The following PCDHA3 variants were observed in gnomAD, a reference collection of about 807,000 sequenced individuals.
The protein encoded by PCDHA3 is protocadherin alpha-3.
In PCDHA3, 41 loss-of-function variants were observed where a neutral mutation model predicts 62.2. The observed-to-expected ratio is 0.66, with a 90% CI of 0.51 to 0.86. The LOEUF (loss-of-function observed/expected upper bound fraction) is 0.86, where lower values mean the gene tolerates loss of function less well. Ranked by LOEUF, PCDHA3 falls within the 40% of genes least tolerant of loss-of-function variation. The pLI is 0.00. For missense variants in PCDHA3, 1,304 were observed against 1,241.2 expected (o/e 1.05, Z -0.76); for synonymous variants, 640 against 555.4 (o/e 1.15, Z -2.14).
chr5:140,833,280 G>A (rs181122201), intron 1 of PCDHA3, among the ~76,000 whole-genome samples: 14 of 152,214 alleles, frequency 9.2e-5, no homozygotes, highest in African/African-American at 3.4e-4. Flanking sequence ...AACTTATTTA[G>A]GAAAGCATCT....
intron 1 of PCDHA3, among the ~76,000 whole-genome samples, chr5:140,913,960 TA>T (rs201352444): frequency 2.0e-5 from 3 of 152,168 alleles, no homozygotes; most frequent in Non-Finnish European, 2.9e-5. Context: ...ATATCATTTT[TA>T]AAAAAATATT....
At chr5:140,995,235 A>G (rs1313042272) in intron 3 of PCDHA3, among the ~76,000 whole-genome samples, 1 of 152,188 alleles carries the variant, frequency 6.6e-6, no homozygotes, top group Non-Finnish European at 1.5e-5. Flanking sequence ...TGGGGCCAGT[A>G]TTAAGTAAAA....
chr5:140,835,638 T>C, intron 1 of PCDHA3: 1 of 1,613,926 alleles, frequency 6.2e-7, no homozygotes, highest in Non-Finnish European at 8.5e-7. Context: ...CGAGAGTGTG[T>C]CCGCCTATGA....
chr5:140,943,923 C>A (rs1454812803), intron 1 of PCDHA3, among the ~76,000 whole-genome samples: 1 of 152,162 alleles, frequency 6.6e-6, no homozygotes, highest in Non-Finnish European at 1.5e-5. Flanking sequence ...GCATGAGCAG[C>A]TTTAGAAGTG....
intron 1 of PCDHA3, chr5:140,871,468 G>C (rs781821721): frequency 6.2e-7 from 1 of 1,602,172 alleles, no homozygotes; most frequent in East Asian, 2.2e-5. Context: ...GGAAAGACAG[G>C]AGCCAGGGTC....
At chr5:140,924,550 C>T (rs2081897316) in intron 1 of PCDHA3, among the ~76,000 whole-genome samples, 1 of 152,096 alleles carries the variant, frequency 6.6e-6, no homozygotes, top group Non-Finnish European at 1.5e-5. Context: ...CTCTCCCCAC[C>T]ATTTTAATCA....
intron 1 of PCDHA3, chr5:140,822,476 C>G (rs2150116671): frequency 6.2e-7 from 1 of 1,613,670 alleles, no homozygotes; most frequent in Non-Finnish European, 8.5e-7. Context: ...GTATTGGATG[C>G]TAATGATAAC....
intron 3 of PCDHA3, among the ~76,000 whole-genome samples, chr5:140,984,074 A>T (rs1554245949): frequency 6.6e-6 from 1 of 152,268 alleles, no homozygotes; most frequent in African/African-American, 2.4e-5. Context: ...AGTGCCAACG[A>T]TGGAGTGAAG....
In PCDHA3 at chr5:140,863,490, A is replaced by C. The variant is rs149382847; in HGVS notation, c.2394+59899A>C. ...TGGAGAGTCGCCTCCCAAGGTCAAC[A>C]TTACGGCTTTTAGTCCTAGTGTTCT... is the stretch of plus-strand genomic sequence containing the variant. On this transcript the variant is annotated intron_variant, in intron 1 of 3. Coordinates refer to ENST00000522353, the MANE Select transcript of PCDHA3 (RefSeq NM_018906.3). 1.5e-4 allele frequency: 69 copies of C among 449,374 alleles called. No homozygotes were observed. In the East Asian group the frequency reaches 3.4e-3, roughly 22 times the overall value. 27.8% of individuals were successfully genotyped at this position (449,374 alleles called of 1,614,324 possible). A position where few individuals can be genotyped will look rare whatever the true frequency, so the allele number is the denominator to read the frequency against.
chr5:140,985,889 G>A (rs549796234), intron 3 of PCDHA3, among the ~76,000 whole-genome samples: 61 of 151,864 alleles, frequency 4.0e-4, no homozygotes, highest in Non-Finnish European at 5.7e-4. Context: ...ACAGGCGCCC[G>A]CCACCACTCC....
At chr5:140,880,420 A>C (rs1554171279) in intron 1 of PCDHA3, among the ~76,000 whole-genome samples, 2 of 152,230 alleles carry the variant, frequency 1.3e-5, no homozygotes, top group Non-Finnish European at 2.9e-5. Context: ...TAAAAGCGGG[A>C]ACAGTTTTTC....
At position 140,802,280 on chromosome 5, in the gene PCDHA3, A is replaced by C. The variant is rs1202505238; in HGVS notation, c.1083A>C (p.Glu361Asp). 8 of 1,614,262 alleles carry C rather than the reference A, an allele frequency of 5.0e-6. No homozygotes were observed. Among genetic ancestry groups the C allele is most frequent in the Non-Finnish European group, 5.9e-6 (7 of 1,180,042 alleles). Residue 361 changes from glutamate (E) to aspartate (D), a missense_variant, in exon 1 of 4, where the codon GAA becomes GAC. Transcript: ENST00000522353. ...AATCACTATCTTTACCTGTATTAGA[A>C]GACTCTCCACTTAGCACAGTCATCG... is the stretch of plus-strand genomic sequence containing the variant. Reference protein sequence around the residue: ...VIQSLSLPVLEDSPLSTVIAL... With the variant: ...VIQSLSLPVLDDSPLSTVIAL...
At chr5:140,881,623 A>G (rs1179461885) in intron 1 of PCDHA3, among the ~76,000 whole-genome samples, 1 of 152,188 alleles carries the variant, frequency 6.6e-6, no homozygotes, top group East Asian at 1.9e-4. Flanking sequence ...TCAAAATCTG[A>G]TATATCAGTT....
Position 140,856,863 on chromosome 5 carries a change from T to C in PCDHA3, c.2394+53272T>C. 4 of 1,595,256 alleles carry C rather than the reference T, an allele frequency of 2.5e-6. 1 individual carries two copies. Among genetic ancestry groups the C allele is most frequent in the Non-Finnish European group, 3.4e-6 (4 of 1,165,176 alleles). ...AACGCTTCTGATTCGGATGAAGGAA[T>C]AAACAAGGAAATGATGTATTCATTT... On this transcript the variant is annotated intron_variant, in intron 1 of 3. Transcript: ENST00000522353.
At chr5:140,830,681 G>A (rs112940654) in intron 1 of PCDHA3, 1 of 335,664 alleles carries the variant, frequency 3.0e-6, no homozygotes, top group East Asian at 6.0e-5. Flanking sequence ...AGAAATCACT[G>A]TCCACAATCT....
intron 1 of PCDHA3, among the ~76,000 whole-genome samples, chr5:140,972,015 G>A (rs782728118): frequency 2.6e-5 from 4 of 152,004 alleles, no homozygotes; most frequent in Admixed American, 6.5e-5. Context: ...CCTTTTATAT[G>A]GGATATTCAG....
At chr5:140,987,592 G>A (rs150671243) in intron 3 of PCDHA3, among the ~76,000 whole-genome samples, 29 of 152,290 alleles carry the variant, frequency 1.9e-4, no homozygotes, top group Admixed American at 1.6e-3. Context: ...GAGAATAGTG[G>A]TGTCTACCTT....
chr5:140,865,396 A>G (rs1280770279), intron 1 of PCDHA3: 1 of 152,234 alleles, frequency 6.6e-6, no homozygotes, highest in Non-Finnish European at 1.5e-5. Context: ...GTTAATATAA[A>G]TGCTGAAAAG....
intron 3 of PCDHA3, among the ~76,000 whole-genome samples, chr5:141,003,892 C>T (rs1401621234): frequency 6.6e-6 from 1 of 152,124 alleles, no homozygotes; most frequent in South Asian, 2.1e-4. Context: ...TCTTAACAGG[C>T]CCATTCATTT....
Sources: gnomAD v4.1 joint callset for allele counts (sites outside exome capture counted in the v4.1 genomes callset) on GRCh38, gnomAD v4.1.1 for gene constraint, MANE v1.5 for transcripts, NCBI Gene and HGNC (gene_info 2026-07-23, HGNC 2026-07-21) for gene names.